The following MPZL3 variants were observed in gnomAD, a reference collection of about 807,000 sequenced individuals.
The protein encoded by MPZL3 is myelin protein zero like 3.
MPZL3 carries 23 observed loss-of-function variants against 24.8 expected under a neutral mutation model. The ratio of observed to expected loss-of-function variants is 0.93; its 90% CI spans 0.67 to 1.31. The LOEUF (loss-of-function observed/expected upper bound fraction) is 1.31. Among genes scored for constraint, MPZL3 ranks in the 40% most tolerant of loss-of-function variants. The pLI is 0.00. For missense variants in MPZL3, 277 were observed against 294.9 expected (o/e 0.94, Z 0.44); for synonymous variants, 99 against 106.5 (o/e 0.93, Z 0.44).
In MPZL3 at chr11:118,233,349, T is replaced by C. The variant is rs878857530; in HGVS notation, c.681+111A>G. The C allele has an allele frequency of 4.1e-6, 5 of 1,210,436 alleles. No homozygotes were observed. The South Asian group carries it at 6.1e-5, about 15-fold the overall frequency. The allele number at this position is 1,210,436 out of a possible 1,614,324, so 75.0% of individuals were successfully genotyped here. A position where few individuals can be genotyped will look rare whatever the true frequency, so the allele number is the denominator to read the frequency against. The stretch of plus-strand genomic sequence containing the variant: ...GGAAAGATGCTGGTTCATATCTTGC[T>C]TGGACCTACCTGCATATCCTCTGCT... On this transcript the variant is annotated intron_variant, in intron 5 of 5. Transcript: ENST00000278949.
intron 1 of MPZL3, among the ~76,000 whole-genome samples, chr11:118,248,883 T>C (rs1332292341): frequency 6.6e-6 from 1 of 152,200 alleles, no homozygotes; most frequent in Non-Finnish European, 1.5e-5. Context: ...AAAGCAAACT[T>C]TATAAGTGGG....
intron 2 of MPZL3, among the ~76,000 whole-genome samples, chr11:118,239,526 G>A (rs1445763477): frequency 6.6e-6 from 1 of 152,116 alleles, no homozygotes; most frequent in African/African-American, 2.4e-5. Flanking sequence ...GAAGCTTAAA[G>A]AGAAAAAAAT....
chr11:118,237,378 CA>C, intron 2 of MPZL3, 118 bp from the exon 3 acceptor site: 1 of 880,350 alleles, frequency 1.1e-6, no homozygotes, highest in Admixed American at 2.5e-5. Flanking sequence ...TTCAGTTGGG[CA>C]ACTTTTTATG....
intron 5 of MPZL3, 39 bp from the exon 6 acceptor site, chr11:118,229,959 A>G (rs1320772192): frequency 6.2e-7 from 1 of 1,601,138 alleles, no homozygotes; most frequent in Non-Finnish European, 8.5e-7. Flanking sequence ...ACACAATTCC[A>G]GAGTTGGAAT....
intron 4 of MPZL3, 26 bp downstream of exon 4, chr11:118,235,398 C>T: frequency 1.9e-6 from 3 of 1,610,578 alleles, no homozygotes; most frequent in Non-Finnish European, 2.5e-6. Flanking sequence ...AACAGGCTTG[C>T]TGCCCAGGGC....
At chr11:118,246,043 C>G (rs1280482072) in intron 1 of MPZL3, among the ~76,000 whole-genome samples, 3 of 152,198 alleles carry the variant, frequency 2.0e-5, no homozygotes, top group African/African-American at 7.2e-5. Context: ...TTCCCTCCAA[C>G]CAACTCCACC....
intron 5 of MPZL3, among the ~76,000 whole-genome samples, chr11:118,232,075 G>A (rs765072043): frequency 2.6e-5 from 4 of 152,120 alleles, no homozygotes; most frequent in South Asian, 2.1e-4. Context: ...TAGCTGCTGC[G>A]TTACTTCTCT....
chr11:118,248,070 C>CTTTTTTTTTTT (rs60335848), intron 1 of MPZL3, among the ~76,000 whole-genome samples: 2 of 98,986 alleles, frequency 2.0e-5, no homozygotes, highest in African/African-American at 3.3e-5. Context: ...ACAGTTTCCT[C>CTTTTTTTTTTT]TTTTTTTTTT....
chr11:118,236,961 T>C, intron 3 of MPZL3, 89 bp downstream of exon 3: 2 of 1,193,500 alleles, frequency 1.7e-6, no homozygotes. Flanking sequence ...CTTACAAAGA[T>C]AGACAGCTTT....
At position 118,232,879 on chromosome 11, in the gene MPZL3, A is replaced by C. The variant is rs191250636; in HGVS notation, c.681+581T>G. Among the ~76,000 whole-genome samples the C allele has an allele frequency of 2.6e-5, 4 of 152,242 alleles. No homozygotes were observed. In the East Asian group the frequency reaches 7.7e-4, roughly 29 times the overall value. On this transcript the variant is annotated intron_variant, in intron 5 of 5. Coordinates refer to ENST00000278949, the MANE Select transcript of MPZL3 (RefSeq NM_198275.3). ...TGTTTCCAACTGCACCACATCAGAGAGTCTTCCCTCCTGCTGGGATCCTAG... is the reference window on the plus strand; with the variant it reads ...TGTTTCCAACTGCACCACATCAGAGCGTCTTCCCTCCTGCTGGGATCCTAG...
At chr11:118,251,963 A>T (rs1772646485) in intron 1 of MPZL3, among the ~76,000 whole-genome samples, 1 of 152,212 alleles carries the variant, frequency 6.6e-6, no homozygotes, top group African/African-American at 2.4e-5. Context: ...TTGTGGTTCC[A>T]TCAAGTATGC....
chr11:118,240,409 C>T, intron 1 of MPZL3, 32 bp from the exon 2 acceptor site: 1 of 1,578,484 alleles, frequency 6.3e-7, no homozygotes, highest in Non-Finnish European at 8.6e-7. Context: ...ACTTAAAATG[C>T]ATTCATGTGG....
chr11:118,233,365 A>G (rs539562130), intron 5 of MPZL3, 95 bp downstream of exon 5: 214 of 1,396,456 alleles, frequency 1.5e-4, no homozygotes, highest in Non-Finnish European at 2.1e-4. Flanking sequence ...CTACCTGCAT[A>G]TCCTCTGCTG....
intron 2 of MPZL3, among the ~76,000 whole-genome samples, chr11:118,239,464 T>A (rs1949465578): frequency 6.6e-6 from 1 of 152,234 alleles, no homozygotes; most frequent in Non-Finnish European, 1.5e-5. Context: ...TCCATACAGC[T>A]ATGACATTCA....
Position 118,236,369 on chromosome 11 carries a change from AGAAG to A in MPZL3, c.451+677_451+680del, listed in dbSNP as rs1949426423. 3.9e-5 allele frequency among the ~76,000 whole-genome samples: 6 copies of A among 152,194 alleles called. No homozygotes were observed. In the South Asian group the frequency reaches 1.2e-3, roughly 32 times the overall value. ...AGAAAGGAAGGGAAGATGAGAAGGA[AGAAG>A]GAAGGAAGGGAGGGAGAGAAGGAGG... On this transcript the variant is annotated intron_variant, in intron 3 of 5. Coordinates refer to ENST00000278949, the MANE Select transcript of MPZL3 (RefSeq NM_198275.3).
At position 118,252,207 on chromosome 11, in the gene MPZL3, A is replaced by C; in HGVS notation, c.73+15T>G. ...CCCCGGCCGGAAGTGGAGCGTAGCC[A>C]GCCGGAGCACTCACCCTGGAAGAAC... On this transcript the variant is annotated intron_variant, in intron 1 of 5. Transcript: ENST00000278949. The C allele has an allele frequency of 1.9e-6, 3 of 1,613,212 alleles. No individual in the cohort carries two copies. The highest frequency in any genetic ancestry group is 2.2e-5 in the South Asian group (2 of 91,048).
Position 118,227,285 on chromosome 11 carries a change from C to T in MPZL3, c.*2609G>A, listed in dbSNP as rs1012053209. ...ACCCCTTCTGAACTAAGTTCCCTTT[C>T]TAAACGAGGCTGGTTTCCATGGCTG... On this transcript the variant is annotated 3_prime_UTR_variant, in exon 6 of 6. Transcript: ENST00000278949. 6.6e-6 allele frequency: 1 copy of T among 152,222 alleles called. No homozygotes were observed. Among genetic ancestry groups the T allele is most frequent in the African/African-American group, 2.4e-5 (1 of 41,456 alleles). The allele number at this position is 152,222 out of a possible 1,614,324, so 9.4% of individuals were successfully genotyped here.
intron 1 of MPZL3, among the ~76,000 whole-genome samples, chr11:118,251,643 T>C (rs886214997): frequency 2.0e-5 from 3 of 152,174 alleles, no homozygotes; most frequent in African/African-American, 7.2e-5. Context: ...TTATATGCTC[T>C]TTCTTGTATT....
rs148978991 is a variant in MPZL3 at position 118,246,541 on chromosome 11, T to C, written c.73+5681A>G. On this transcript the variant is annotated intron_variant, in intron 1 of 5. Coordinates refer to ENST00000278949, the MANE Select transcript of MPZL3 (RefSeq NM_198275.3). ...CAATGGAAGGCACAATCAGCTGAGATTGTGAAAAGTGTATGGGCCACTTTT... is the reference window on the plus strand; with the variant it reads ...CAATGGAAGGCACAATCAGCTGAGACTGTGAAAAGTGTATGGGCCACTTTT... 2.0e-5 allele frequency among the ~76,000 whole-genome samples: 3 copies of C among 151,686 alleles called. No homozygotes were observed. The East Asian group carries it at 5.8e-4, about 29-fold the overall frequency.
Sources: gnomAD v4.1 joint callset for allele counts (sites outside exome capture counted in the v4.1 genomes callset) on GRCh38, gnomAD v4.1.1 for gene constraint, MANE v1.5 for transcripts, NCBI Gene and HGNC (gene_info 2026-07-23, HGNC 2026-07-21) for gene names.